The following TFIP11 variants were observed in gnomAD, a reference collection of about 807,000 sequenced individuals.
The protein encoded by TFIP11 is tuftelin interacting protein 11.
Under a neutral mutation model 96.8 loss-of-function variants are expected in TFIP11, and 86 were observed. The ratio of observed to expected loss-of-function variants is 0.89; its 90% CI spans 0.75 to 1.06. The LOEUF (loss-of-function observed/expected upper bound fraction) is 1.06, where lower values mean the gene tolerates loss of function less well. TFIP11 is among the 50% of genes least tolerant of loss of function. The probability of loss-of-function intolerance (pLI) is 0.00; values close to 1 mark genes in which losing one functional copy is unlikely to be tolerated. For missense variants in TFIP11, 881 were observed against 1,076.7 expected (o/e 0.82, Z 2.54); for synonymous variants, 405 against 395.2 (o/e 1.02, Z -0.29).
At chr22:26,495,550 G>A (rs1921856684) in intron 12 of TFIP11, among the ~76,000 whole-genome samples, 1 of 77,528 alleles carries the variant, frequency 1.3e-5, no homozygotes, top group African/African-American at 3.8e-5. Context: ...AAATATATAT[G>A]TGTATATATA....
At position 26,506,845 on chromosome 22, in the gene TFIP11, GA is replaced by G. The variant is rs770611093; in HGVS notation, c.292del (p.Ser98LeufsTer22). ...CTTAACAGGTTTCTCTTCGTCATCA[GA>G]ATCTTCCAACTCTGCCTCCTCCGCT... is the stretch of plus-strand genomic sequence containing the variant. ...GAAEEAELEDSDDEEKPVKQD... is the reference protein window; with the variant it reads ...GAAEEAELEDXDDEEKPVKQD... On this transcript the variant is annotated frameshift_variant, in exon 5 of 15. Coordinates refer to ENST00000407690, the MANE Select transcript of TFIP11 (RefSeq NM_012143.4). LOFTEE classifies it high-confidence loss of function. 1.4e-5 allele frequency: 22 copies of G among 1,614,062 alleles called. No individual in the cohort carries two copies. The highest frequency in any genetic ancestry group is 1.6e-5 in the Non-Finnish European group (19 of 1,180,046).
rs147593166 is a variant in TFIP11 at position 26,498,644 on chromosome 22, T to C, written c.1436+225A>G. 1.0e-4 allele frequency: 50 copies of C among 476,452 alleles called. 2 individuals carry two copies. The highest frequency in any genetic ancestry group is 9.0e-4 in the African/African-American group (46 of 51,390). The allele number at this position is 476,452 out of a possible 1,614,324, so 29.5% of individuals were successfully genotyped here. On this transcript the variant is annotated intron_variant, in intron 10 of 14. Coordinates refer to ENST00000407690, the MANE Select transcript of TFIP11 (RefSeq NM_012143.4). ...AAATCACCACTAAAGAACTTACTCA[T>C]GTAACCAAATACTACCTGTTCCCCA... is the stretch of plus-strand genomic sequence containing the variant.
At chr22:26,496,681 G>C (rs1410163129) in intron 11 of TFIP11, 40 bp downstream of exon 11, 1 of 1,606,394 alleles carries the variant, frequency 6.2e-7, no homozygotes, top group Non-Finnish European at 8.5e-7. Context: ...AAGTCCCTGT[G>C]ATTAGTGATG....
rs753360683 is a variant in TFIP11 at position 26,492,002 on chromosome 22, C to G, written c.*11G>C. 6.3e-7 allele frequency: 1 copy of G among 1,579,298 alleles called. No homozygotes were observed. The highest frequency in any genetic ancestry group is 1.8e-5 in the Admixed American group (1 of 54,466). The stretch of plus-strand genomic sequence containing the variant: ...GGGCAAGTCTCTGACTGGTTCTGGA[C>G]CTGCCACAGTTCACTTGGCCATGTC... On this transcript the variant is annotated 3_prime_UTR_variant, in exon 15 of 15. Coordinates refer to ENST00000407690, the MANE Select transcript of TFIP11 (RefSeq NM_012143.4).
At chr22:26,510,935 C>T (rs565084018) in intron 2 of TFIP11, among the ~76,000 whole-genome samples, 1 of 152,260 alleles carries the variant, frequency 6.6e-6, no homozygotes, top group African/African-American at 2.4e-5. Flanking sequence ...AACTACCATA[C>T]CAACCTTAGA....
At chr22:26,501,805 AAAGC>A in intron 8 of TFIP11, 91 bp downstream of exon 8, 1 of 798,136 alleles carries the variant, frequency 1.3e-6, no homozygotes, top group Non-Finnish European at 1.8e-6. Flanking sequence ...AAAAAAAAAA[AAAGC>A]CTAGCTAAAA....
At chr22:26,496,417 T>C (rs1366648934) in intron 11 of TFIP11, 101 bp from the exon 12 acceptor site, 2 of 1,465,454 alleles carry the variant, frequency 1.4e-6, no homozygotes, top group Admixed American at 2.5e-5. Context: ...GGAGGCCCTG[T>C]GCTCTCTGAG....
Position 26,496,087 on chromosome 22 carries a change from A to G in TFIP11, c.1835T>C (p.Ile612Thr), listed in dbSNP as rs954116018. ...CTTATCCTTACCCAGCTTGGGCACT[A>G]TGTTTTTGACCATGAATGCTTCCCA... ...GSWEAFMVKN[I>T]VPKLGMCLGE... Residue 612 changes from isoleucine (I) to threonine (T), a missense_variant, in exon 12 of 15, where the codon ATA (isoleucine) becomes ACA (threonine). Transcript: ENST00000407690. 1 of 1,613,774 alleles carries G rather than the reference A, an allele frequency of 6.2e-7. No individual in the cohort carries two copies. Among genetic ancestry groups the G allele is most frequent in the Admixed American group, 1.7e-5 (1 of 60,008 alleles).
intron 8 of TFIP11, 36 bp from the exon 9 acceptor site, chr22:26,499,667 T>C: frequency 6.4e-7 from 1 of 1,568,730 alleles, no homozygotes; most frequent in Non-Finnish European, 8.6e-7. Context: ...TTAACACCGC[T>C]GCAGCCCTGT....
At chr22:26,506,556 A>G (rs1923435123) in intron 5 of TFIP11, 97 bp from the exon 6 acceptor site, 1 of 1,461,524 alleles carries the variant, frequency 6.8e-7, no homozygotes, top group African/African-American at 1.4e-5. Flanking sequence ...TAAGTTATAC[A>G]GCACTATGAA....
At position 26,499,430 on chromosome 22, in the gene TFIP11, T is replaced by G; in HGVS notation, c.1003A>C (p.Ile335Leu). The change falls in exon 9 of 15, where the codon ATC becomes CTC. Residue 335 changes from isoleucine (I) to leucine (L), a missense_variant. Coordinates refer to ENST00000407690, the MANE Select transcript of TFIP11 (RefSeq NM_012143.4). ...TGTAGCTGCCGGTCATTCTGGATGA[T>G]CTCCTGCTCCGTGAGGTCGATGAGC... Reference protein sequence around the residue: ...QLLIDLTEQEIIQNDRQLQYE... With the variant: ...QLLIDLTEQELIQNDRQLQYE... 6.2e-7 allele frequency: 1 copy of G among 1,614,164 alleles called. No homozygotes were observed. Among genetic ancestry groups the G allele is most frequent in the Non-Finnish European group, 8.5e-7 (1 of 1,180,030 alleles).
intron 2 of TFIP11, among the ~76,000 whole-genome samples, 180 bp from the exon 3 acceptor site, chr22:26,510,882 T>C (rs1022529703): frequency 1.3e-5 from 2 of 152,222 alleles, no homozygotes; most frequent in African/African-American, 4.8e-5. Flanking sequence ...TACCTCACAG[T>C]AGCTGGGTGA....
chr22:26,498,677 T>C (rs1922365543), intron 10 of TFIP11, 192 bp downstream of exon 10: 2 of 555,376 alleles, frequency 3.6e-6, no homozygotes, highest in South Asian at 4.8e-5. Flanking sequence ...CCAAACCCTA[T>C]GGAAATAAAA....
chr22:26,494,377 T>C, intron 13 of TFIP11, 73 bp from the exon 14 acceptor site: 2 of 1,582,626 alleles, frequency 1.3e-6, no homozygotes, highest in Non-Finnish European at 8.7e-7. Context: ...TGGCCATTTG[T>C]TTTGTTTTGA....
At chr22:26,494,644 GGT>G in intron 13 of TFIP11, 151 bp downstream of exon 13, 1 of 1,072,684 alleles carries the variant, frequency 9.3e-7, no homozygotes, top group Non-Finnish European at 1.3e-6. Context: ...TCCAATAAAT[GGT>G]GCCCACTATG....
intron 4 of TFIP11, among the ~76,000 whole-genome samples, chr22:26,508,781 G>A (rs1290751676): frequency 1.3e-5 from 2 of 151,884 alleles, no homozygotes; most frequent in East Asian, 3.9e-4. Context: ...GGAGGCAGAG[G>A]TTGCAGTGAG....
At chr22:26,499,764 G>C (rs1019674722) in intron 8 of TFIP11, 133 bp from the exon 9 acceptor site, 4 of 927,918 alleles carry the variant, frequency 4.3e-6, no homozygotes, top group Non-Finnish European at 6.4e-6. Flanking sequence ...GAGAAGGGCA[G>C]TGTTGTAAAG....
In TFIP11 at chr22:26,499,503, G is replaced by A; in HGVS notation, c.930C>T (p.Ala310=). The A allele has an allele frequency of 1.9e-6, 3 of 1,614,204 alleles. No homozygotes were observed. The highest frequency in any genetic ancestry group is 2.5e-6 in the Non-Finnish European group (3 of 1,180,054). ...SQQLPQSGKE[A]KAPGFALPEL... ...CGGGCAGCGCGAAGCCGGGGGCCTT[G>A]GCCTCTTTGCCAGACTGTGGCAGCT... The change falls in exon 9 of 15, where the codon GCC becomes GCT. Residue 310 remains alanine (A), a synonymous_variant. Transcript: ENST00000407690.
In TFIP11 at chr22:26,499,478, C is replaced by G. The variant is rs753731297; in HGVS notation, c.955G>C (p.Glu319Gln). The change falls in exon 9 of 15, where the codon GAG becomes CAG. Residue 319 changes from glutamate (E) to glutamine (Q), a missense_variant. Transcript: ENST00000407690. ...EAKAPGFALP[E>Q]LEHNLQLLID... ...AGCAGCTGCAGGTTGTGCTCCAGCTCGGGCAGCGCGAAGCCGGGGGCCTTG... is the reference window on the plus strand; with the variant it reads ...AGCAGCTGCAGGTTGTGCTCCAGCTGGGGCAGCGCGAAGCCGGGGGCCTTG... The G allele has an allele frequency of 6.2e-7, 1 of 1,614,060 alleles. No homozygotes were observed. Among genetic ancestry groups the G allele is most frequent in the Non-Finnish European group, 8.5e-7 (1 of 1,180,058 alleles).
Sources: gnomAD v4.1 joint callset for allele counts (sites outside exome capture counted in the v4.1 genomes callset) on GRCh38, gnomAD v4.1.1 for gene constraint, MANE v1.5 for transcripts, NCBI Gene and HGNC (gene_info 2026-07-23, HGNC 2026-07-21) for gene names.